Variants in ADAMTS19 observed in about 807,000 individuals in gnomAD.
ADAMTS19 encodes the protein A disintegrin and metalloproteinase with thrombospondin motifs 19.
Under a neutral mutation model 153.3 loss-of-function variants are expected in ADAMTS19, and 93 were observed. The ratio of observed to expected loss-of-function variants is 0.61; its 90% CI spans 0.51 to 0.72. ADAMTS19 has a LOEUF of 0.72. Among genes scored for constraint, ADAMTS19 ranks in the 30% least tolerant of loss-of-function variants. ADAMTS19 has a pLI of 0.00. For synonymous variants in ADAMTS19, 600 were observed against 556.6 expected, an observed-to-expected ratio of 1.08 and a Z score of -1.10; for missense variants, 1,482 against 1,552.1, an observed-to-expected ratio of 0.95 and a Z score of 0.76.
chr5:129,643,968 A>G (rs1277978221), intron 11 of ADAMTS19, among the ~76,000 whole-genome samples: 1 of 152,094 alleles, frequency 6.6e-6, no homozygotes, highest in African/African-American at 2.4e-5. Flanking sequence ...CAAACATCAC[A>G]TAGCTTGTTT....
At chr5:129,543,925 G>T (rs1051987692) in intron 6 of ADAMTS19, among the ~76,000 whole-genome samples, 3 of 152,078 alleles carry the variant, frequency 2.0e-5, no homozygotes, top group African/African-American at 7.2e-5. Flanking sequence ...TGATTTAAAT[G>T]AATTAAGTTT....
intron 3 of ADAMTS19, among the ~76,000 whole-genome samples, chr5:129,521,355 T>C (rs890156533): frequency 1.3e-5 from 2 of 152,124 alleles, no homozygotes; most frequent in Admixed American, 1.3e-4. Flanking sequence ...ATATGAAGAT[T>C]CATTTCCATA....
chr5:129,547,211 T>C (rs1481129829), intron 6 of ADAMTS19, among the ~76,000 whole-genome samples: 1 of 150,260 alleles, frequency 6.7e-6, no homozygotes, highest in African/African-American at 2.5e-5. Context: ...GGGGGCAGAG[T>C]GATGCAATCA....
intron 2 of ADAMTS19, among the ~76,000 whole-genome samples, chr5:129,466,801 T>C (rs1749875757): frequency 6.6e-6 from 1 of 152,184 alleles, no homozygotes; most frequent in African/African-American, 2.4e-5. Flanking sequence ...ATTACTTCTT[T>C]GAGGGTAGAG....
intron 13 of ADAMTS19, among the ~76,000 whole-genome samples, chr5:129,649,244 AG>A (rs1287958808): frequency 6.6e-6 from 1 of 152,210 alleles, no homozygotes; most frequent in Admixed American, 6.5e-5. Context: ...TGGATCTCTC[AG>A]GCATTGCTTG....
At chr5:129,538,615 T>C (rs771622494) in intron 6 of ADAMTS19, among the ~76,000 whole-genome samples, 5 of 152,076 alleles carry the variant, frequency 3.3e-5, no homozygotes, top group Admixed American at 6.6e-5. Context: ...ATATATTTCA[T>C]ATATACAAAG....
chr5:129,633,536 G>A (rs914366090), intron 10 of ADAMTS19, among the ~76,000 whole-genome samples: 6 of 151,932 alleles, frequency 3.9e-5, no homozygotes, highest in Non-Finnish European at 8.8e-5. Flanking sequence ...TTCTATGGCC[G>A]CCCTCAAGCT....
chr5:129,500,690 C>A lies in ADAMTS19; in HGVS notation c.748-8387C>A, dbSNP rs552346828. 5.9e-5 allele frequency: 9 copies of A among 151,984 alleles called. No individual in the cohort carries two copies. The East Asian group carries it at 1.7e-3, about 29-fold the overall frequency. The allele number at this position is 151,984 out of a possible 1,614,324, so 9.4% of individuals were successfully genotyped here. A position where few individuals can be genotyped will look rare whatever the true frequency, so the allele number is the denominator to read the frequency against. Reference sequence around the variant, plus strand: ...TGAAGCAAATATAGATCTTTTTGACCCAGCTGGATAAATGGTGCATCATTT... The same window carrying A: ...TGAAGCAAATATAGATCTTTTTGACACAGCTGGATAAATGGTGCATCATTT... On this transcript the variant is annotated intron_variant, in intron 2 of 22. Transcript: ENST00000274487.
intron 8 of ADAMTS19, among the ~76,000 whole-genome samples, chr5:129,619,148 G>T (rs979644965): frequency 3.9e-5 from 6 of 151,944 alleles, no homozygotes; most frequent in African/African-American, 1.4e-4. Flanking sequence ...GTTTGTCCAG[G>T]CAAAGGAGCT....
rs376107377 is a variant in ADAMTS19, at chr5:129,592,373, G to A, written c.1373-4186G>A. 2.9e-3 allele frequency among the ~76,000 whole-genome samples: 229 copies of A among 79,702 alleles called. 6 individuals carry two copies. The highest frequency in any genetic ancestry group is 0.01 in the Middle Eastern group (1 of 98). 52.3% of individuals were successfully genotyped at this position (79,702 alleles called of 152,430 possible). ...AGCCTGGGCGACAGAGTGGGTCTCC[G>A]TTTCAAAAAAAAAAAAAAAAAAAAA... On this transcript the variant is annotated intron_variant, in intron 7 of 22. Coordinates refer to ENST00000274487, the MANE Select transcript of ADAMTS19 (RefSeq NM_133638.6).
intron 4 of ADAMTS19, among the ~76,000 whole-genome samples, chr5:129,526,929 CCCACAAAAGGA>C (rs1344052891): frequency 6.6e-6 from 1 of 151,320 alleles, no homozygotes; most frequent in Non-Finnish European, 1.5e-5. Context: ...TATATGTGGC[CCCACAAAAGGA>C]CCATAGGTTA....
intron 6 of ADAMTS19, among the ~76,000 whole-genome samples, chr5:129,540,457 A>G (rs1315405598): frequency 6.6e-6 from 1 of 152,108 alleles, no homozygotes; most frequent in Non-Finnish European, 1.5e-5. Flanking sequence ...TCTTATTGAA[A>G]TCATGGAGAA....
chr5:129,516,888 C>CTTTT (rs200576506), intron 3 of ADAMTS19, among the ~76,000 whole-genome samples: 13 of 105,676 alleles, frequency 1.2e-4, no homozygotes, highest in African/African-American at 3.9e-4. Flanking sequence ...GAGATTTTTC[C>CTTTT]TTTTTTTTTT....
At position 129,694,829 on chromosome 5, in the gene ADAMTS19, G is replaced by T; in HGVS notation, c.2928G>T (p.Lys976Asn). ...CCAAGCCAGAGCCACAGATTCGAAA[G>T]TGCAATGAGCAACCATGTCAAACAA... ...YLTKPEPQIR[K>N]CNEQPCQTRW... Residue 976 changes from lysine (K) to asparagine (N), a missense_variant, in exon 19 of 23, where the codon AAG becomes AAT. Around this residue, in one of 2 missense-constraint regions of ADAMTS19, gnomAD observed 616 missense variants for 724.4 expected, o/e 0.85. Coordinates refer to ENST00000274487, the MANE Select transcript of ADAMTS19 (RefSeq NM_133638.6). The T allele has an allele frequency of 6.3e-7, 1 of 1,593,580 alleles. No homozygotes were observed. The highest frequency in any genetic ancestry group is 8.6e-7 in the Non-Finnish European group (1 of 1,169,316).
intron 10 of ADAMTS19, among the ~76,000 whole-genome samples, chr5:129,633,159 A>T (rs752436085): frequency 5.3e-5 from 8 of 152,046 alleles, no homozygotes; most frequent in Non-Finnish European, 1.0e-4. Flanking sequence ...TCCTGCTCAA[A>T]TCCATTCAGT....
intron 2 of ADAMTS19, among the ~76,000 whole-genome samples, chr5:129,489,675 C>G (rs1374829668): frequency 6.6e-6 from 1 of 152,020 alleles, no homozygotes; most frequent in Non-Finnish European, 1.5e-5. Context: ...AAATGAAAGG[C>G]CAGAGCAAAA....
At chr5:129,634,171 C>T (rs1450834300) in intron 10 of ADAMTS19, among the ~76,000 whole-genome samples, 1 of 152,082 alleles carries the variant, frequency 6.6e-6, no homozygotes. Flanking sequence ...CTGCTGAAAG[C>T]AATCACTTTC....
chr5:129,623,664 C>A (rs1751888017), intron 10 of ADAMTS19, among the ~76,000 whole-genome samples: 1 of 152,098 alleles, frequency 6.6e-6, no homozygotes, highest in Non-Finnish European at 1.5e-5. Flanking sequence ...TGCTTTTGAT[C>A]AGTTTCACCC....
chr5:129,676,660 C>G (rs1003809914), intron 16 of ADAMTS19, among the ~76,000 whole-genome samples: 8 of 152,118 alleles, frequency 5.3e-5, no homozygotes, highest in South Asian at 2.1e-4. Context: ...AGTTATTTAC[C>G]ATAGGAGAGC....
Sources: allele counts gnomAD v4.1 joint callset (sites outside exome capture counted in the v4.1 genomes callset), GRCh38; gene constraint gnomAD v4.1.1; regional missense constraint gnomAD v4.1.1; transcripts MANE v1.5; gene names NCBI Gene and HGNC (gene_info 2026-07-23, HGNC 2026-07-21).